PSMF1: variants seen among roughly 807,000 people sequenced by gnomAD.
PSMF1 encodes proteasome inhibitor subunit 1.
A neutral mutation model predicts 29.3 loss-of-function variants in PSMF1; 30 were observed. That is an observed-to-expected ratio of 1.02 (90% confidence interval 0.77 to 1.39). The LOEUF (loss-of-function observed/expected upper bound fraction) is 1.39, where lower values mean the gene tolerates loss of function less well. PSMF1 is among the 40% of genes most tolerant of loss of function. The pLI, the probability that PSMF1 is intolerant of heterozygous loss-of-function variation, is 0.00. For missense variants in PSMF1, 344 were observed against 357.5 expected (o/e 0.96, Z 0.31); for synonymous variants, 134 against 139.7 (o/e 0.96, Z 0.29).
intron 4 of PSMF1, among the ~76,000 whole-genome samples, chr20:1,147,220 T>G (rs2086464606): frequency 6.6e-6 from 1 of 152,172 alleles, no homozygotes; most frequent in Non-Finnish European, 1.5e-5. Flanking sequence ...CTTTCTTGGC[T>G]GTTCACCATG....
chr20:1,144,117 A>G (rs908729826), intron 4 of PSMF1, among the ~76,000 whole-genome samples: 6 of 152,112 alleles, frequency 3.9e-5, no homozygotes, highest in Non-Finnish European at 8.8e-5. Context: ...TGGAAAAATG[A>G]TATGAAGAGG....
chr20:1,161,635 G>A (rs948449694), intron 4 of PSMF1: 4 of 680,006 alleles, frequency 5.9e-6, no homozygotes, highest in African/African-American at 1.8e-5. Context: ...TCCAGCAGAT[G>A]TGGATTAGCA....
Position 1,170,118 on chromosome 20 carries a change from C to T in PSMF1, c.*5038C>T, listed in dbSNP as rs1011122995. Reference sequence around the variant, plus strand: ...GAGAACTGAGAAGGGAGGGGAAGACCTACCTCCTTGTTACTCAGACCACCA... The same window carrying T: ...GAGAACTGAGAAGGGAGGGGAAGACTTACCTCCTTGTTACTCAGACCACCA... On this transcript the variant is annotated 3_prime_UTR_variant, in exon 7 of 7. Transcript: ENST00000335877. Among the ~76,000 whole-genome samples, 7 of 152,140 alleles carry T rather than the reference C, an allele frequency of 4.6e-5. No homozygotes were observed. Among genetic ancestry groups the T allele is most frequent in the African/African-American group, 1.7e-4 (7 of 41,428 alleles).
At chr20:1,140,950 T>G (rs2086372937) in intron 4 of PSMF1, among the ~76,000 whole-genome samples, 1 of 152,194 alleles carries the variant, frequency 6.6e-6, no homozygotes, top group Non-Finnish European at 1.5e-5. Flanking sequence ...ATGTCTATCA[T>G]TTGATGAATA....
In PSMF1 at chr20:1,163,107, T is replaced by C. The variant is rs747843233; in HGVS notation, c.552-23T>C. On this transcript the variant is annotated intron_variant, in intron 4 of 6. Transcript: ENST00000335877. This position sits in a 1 kb window ranked among gnomAD's most constrained non-coding sequence, Gnocchi z 6.1. Reference sequence around the variant, plus strand: ...TGCCTGGCTGCTCTGGGACTTGCAGTAATTGTCTCTTGTTTGTTTCAGGTG... The same window carrying C: ...TGCCTGGCTGCTCTGGGACTTGCAGCAATTGTCTCTTGTTTGTTTCAGGTG... 2.0e-5 allele frequency: 33 copies of C among 1,613,766 alleles called. No individual in the cohort carries two copies. Among genetic ancestry groups the C allele is most frequent in the Non-Finnish European group, 2.7e-5 (32 of 1,179,886 alleles).
At chr20:1,154,766 A>G (rs2086572607) in intron 4 of PSMF1, among the ~76,000 whole-genome samples, 1 of 152,212 alleles carries the variant, frequency 6.6e-6, no homozygotes, top group Non-Finnish European at 1.5e-5. Context: ...TAGGTGGTTC[A>G]AATAATGCTG....
At chr20:1,129,209 T>C (rs1448310048) in intron 3 of PSMF1, among the ~76,000 whole-genome samples, 3 of 152,076 alleles carry the variant, frequency 2.0e-5, no homozygotes, top group African/African-American at 7.2e-5. Context: ...AGACAGGGTT[T>C]TGCTGTTGGC....
At chr20:1,130,058 A>T (rs1007471670) in intron 3 of PSMF1, among the ~76,000 whole-genome samples, 1 of 152,252 alleles carries the variant, frequency 6.6e-6, no homozygotes, top group Non-Finnish European at 1.5e-5. Context: ...ATACTAAATT[A>T]AATAAGCCAT....
chr20:1,123,190 C>T (rs1409540888), intron 1 of PSMF1, among the ~76,000 whole-genome samples: 1 of 152,176 alleles, frequency 6.6e-6, no homozygotes, highest in Non-Finnish European at 1.5e-5. Flanking sequence ...TTGCGACATC[C>T]TGAATTTTAT....
At chr20:1,132,451 A>G (rs2086242524) in intron 3 of PSMF1, among the ~76,000 whole-genome samples, 1 of 151,562 alleles carries the variant, frequency 6.6e-6, no homozygotes, top group African/African-American at 2.4e-5. Context: ...AATTTTTTGT[A>G]TTTTTAGTAG....
At chr20:1,132,669 T>C (rs1568468516) in intron 3 of PSMF1, among the ~76,000 whole-genome samples, 2 of 152,144 alleles carry the variant, frequency 1.3e-5, no homozygotes, top group Non-Finnish European at 2.9e-5. Flanking sequence ...AACCTATAGA[T>C]TAGTTTGGGG....
Position 1,170,326 on chromosome 20 carries a change from CCAGT to C in PSMF1, c.*5252_*5255del, listed in dbSNP as rs1324758407. ...TGAATATCGAGTACAAAGAATTGAG[CCAGT>C]CAGTCCTCTTGGTTAATGGCACATT... On this transcript the variant is annotated 3_prime_UTR_variant, in exon 7 of 7. Transcript: ENST00000335877. 6.6e-6 allele frequency among the ~76,000 whole-genome samples: 1 copy of C among 152,130 alleles called. No individual in the cohort carries two copies. Among genetic ancestry groups the C allele is most frequent in the African/African-American group, 2.4e-5 (1 of 41,400 alleles).
chr20:1,121,374 T>C (rs1382688546), intron 1 of PSMF1, among the ~76,000 whole-genome samples: 1 of 151,556 alleles, frequency 6.6e-6, no homozygotes, highest in South Asian at 2.1e-4. Flanking sequence ...CAAACTAGAG[T>C]GTGGTGTATT....
At chr20:1,161,934 A>G (rs899734124) in intron 4 of PSMF1, among the ~76,000 whole-genome samples, 1 of 152,170 alleles carries the variant, frequency 6.6e-6, no homozygotes, top group African/African-American at 2.4e-5. Context: ...TACTCTACAT[A>G]TCTTTGATTT....
chr20:1,139,689 G>A (rs909507181), intron 4 of PSMF1, among the ~76,000 whole-genome samples: 1 of 151,052 alleles, frequency 6.6e-6, no homozygotes, highest in African/African-American at 2.4e-5. Context: ...AGCTTGCAGT[G>A]AGCTGAGATT....
chr20:1,147,413 C>T (rs998670826), intron 4 of PSMF1, among the ~76,000 whole-genome samples: 1 of 152,206 alleles, frequency 6.6e-6, no homozygotes, highest in African/African-American at 2.4e-5. Context: ...GTGGGTCTAA[C>T]TCAGCAGCTT....
At chr20:1,116,776 G>A (rs1200265684), upstream of PSMF1, among the ~76,000 whole-genome samples, 3 of 150,878 alleles carry the variant, frequency 2.0e-5, no homozygotes, top group Non-Finnish European at 4.4e-5. Flanking sequence ...ATGCTTTGCA[G>A]GAAAAAAAAA....
At chr20:1,159,487 G>C (rs764068253) in intron 4 of PSMF1, among the ~76,000 whole-genome samples, 27 of 152,198 alleles carry the variant, frequency 1.8e-4, no homozygotes, top group Non-Finnish European at 3.2e-4. Context: ...AGCCTTTCTT[G>C]TTCTCTTGTT....
intron 2 of PSMF1, among the ~76,000 whole-genome samples, chr20:1,126,222 A>G (rs992762239): frequency 6.6e-6 from 1 of 152,194 alleles, no homozygotes; most frequent in African/African-American, 2.4e-5. Flanking sequence ...GTAATTGTGT[A>G]CTTATTTGTG....
Sources: gnomAD v4.1 joint callset for allele counts (sites outside exome capture counted in the v4.1 genomes callset) on GRCh38, gnomAD v4.1.1 for gene constraint, Gnocchi (gnomAD v3.1) non-coding constraint, MANE v1.5 for transcripts, NCBI Gene and HGNC (gene_info 2026-07-23, HGNC 2026-07-21) for gene names.